Variants in ADGRB3 observed in about 807,000 individuals in gnomAD.
ADGRB3 encodes adhesion G protein-coupled receptor B3.
A neutral mutation model predicts 193.4 loss-of-function variants in ADGRB3; 37 were observed. The observed-to-expected ratio is 0.19, with a 90% CI of 0.15 to 0.25. ADGRB3 has a LOEUF of 0.25. ADGRB3 is among the 10% of genes least tolerant of loss of function. The probability of loss-of-function intolerance (pLI) is 1.00; values close to 1 mark genes in which losing one functional copy is unlikely to be tolerated. For missense variants in ADGRB3, 1,637 were observed against 1,852.9 expected (o/e 0.88, Z 2.14); for synonymous variants, 690 against 644.2 (o/e 1.07, Z -1.08).
intron 17 of ADGRB3, among the ~76,000 whole-genome samples, chr6:69,122,963 T>C (rs1773755245): frequency 6.7e-6 from 1 of 150,280 alleles, no homozygotes; most frequent in Non-Finnish European, 1.5e-5. Context: ...TATGTATGTA[T>C]ATATATGTGT....
chr6:69,011,268 A>G (rs1338197596), intron 11 of ADGRB3, among the ~76,000 whole-genome samples: 2 of 151,878 alleles, frequency 1.3e-5, no homozygotes, highest in African/African-American at 4.8e-5. Context: ...AATGTGGCAC[A>G]TGTACGCTAT....
At chr6:68,807,431 G>A (rs561107158) in intron 3 of ADGRB3, among the ~76,000 whole-genome samples, 1 of 151,370 alleles carries the variant, frequency 6.6e-6, no homozygotes, top group African/African-American at 2.4e-5. Context: ...TAGTAGAGAC[G>A]GGGTTTCACC....
At chr6:69,249,297 C>T (rs979279516) in intron 20 of ADGRB3, among the ~76,000 whole-genome samples, 3 of 152,104 alleles carry the variant, frequency 2.0e-5, no homozygotes, top group Non-Finnish European at 4.4e-5. Flanking sequence ...TTGGAGCACT[C>T]TGGAACTAAT....
intron 17 of ADGRB3, among the ~76,000 whole-genome samples, chr6:69,139,538 T>G (rs1774259474): frequency 6.6e-6 from 1 of 152,230 alleles, no homozygotes; most frequent in African/African-American, 2.4e-5. Context: ...ATGGAATTAT[T>G]TATATACATA....
chr6:68,917,891 A>G (rs563139134), intron 3 of ADGRB3, among the ~76,000 whole-genome samples: 59 of 152,282 alleles, frequency 3.9e-4, no homozygotes, highest in African/African-American at 1.3e-3. Context: ...TGGTATAGCT[A>G]TCTTACAATG....
intron 17 of ADGRB3, among the ~76,000 whole-genome samples, chr6:69,180,705 G>A (rs533254632): frequency 2.0e-4 from 31 of 152,272 alleles, no homozygotes; most frequent in African/African-American, 7.5e-4. Flanking sequence ...TCTGCCTCAG[G>A]CCTGCAATGG....
At chr6:68,798,735 T>G (rs1767259250) in intron 3 of ADGRB3, among the ~76,000 whole-genome samples, 1 of 151,852 alleles carries the variant, frequency 6.6e-6, no homozygotes, top group Non-Finnish European at 1.5e-5. Flanking sequence ...GTCTGGAGAG[T>G]AAAGAAATGT....
At chr6:68,897,549 A>G (rs1327126940) in intron 3 of ADGRB3, among the ~76,000 whole-genome samples, 10 of 25,802 alleles carry the variant, frequency 3.9e-4, no homozygotes, top group South Asian at 1.4e-3. Context: ...GGAAGGAAGG[A>G]AGGAAGGAAA....
chr6:69,277,002 CTT>C (rs1320158134), intron 20 of ADGRB3, among the ~76,000 whole-genome samples: 22 of 138,246 alleles, frequency 1.6e-4, no homozygotes, highest in Admixed American at 1.5e-4. Flanking sequence ...TTTTTTTTTC[CTT>C]TTTTTTTTTT....
At chr6:69,292,619 T>C (rs1016488780) in intron 20 of ADGRB3, among the ~76,000 whole-genome samples, 62 of 152,272 alleles carry the variant, frequency 4.1e-4, no homozygotes, top group African/African-American at 1.4e-3. Flanking sequence ...CTGCTGCCTG[T>C]TGGCTTCTGG....
intron 17 of ADGRB3, among the ~76,000 whole-genome samples, chr6:69,173,020 G>GTTTTT (rs1561942029): frequency 0.046 from 4,934 of 107,162 alleles, 104 homozygotes; most frequent in African/African-American, 0.063. Context: ...GTGGGGTTTT[G>GTTTTT]GTTTTTGTTT....
intron 3 of ADGRB3, among the ~76,000 whole-genome samples, chr6:68,878,424 TA>T (rs1392092931): frequency 0.022 from 3,225 of 148,552 alleles, 108 homozygotes; most frequent in African/African-American, 0.067. Flanking sequence ...GGCAAAATTG[TA>T]AAAAAAAAAA....
At chr6:68,817,305 ATGTATATATAT>A (rs1562042260) in intron 3 of ADGRB3, among the ~76,000 whole-genome samples, 2,561 of 43,364 alleles carry the variant, frequency 0.059, 196 homozygotes, top group South Asian at 0.081. Flanking sequence ...CCTTTTGTCC[ATGTATATATAT>A]ATATATATAT....
intron 3 of ADGRB3, among the ~76,000 whole-genome samples, chr6:68,725,354 G>A (rs907742857): frequency 1.3e-4 from 19 of 151,670 alleles, no homozygotes; most frequent in African/African-American, 4.4e-4. Context: ...AGAGAATCCA[G>A]GCAATAACCC....
intron 3 of ADGRB3, among the ~76,000 whole-genome samples, chr6:68,890,051 C>A (rs1766029763): frequency 6.6e-6 from 1 of 152,084 alleles, no homozygotes; most frequent in Non-Finnish European, 1.5e-5. Context: ...ATGCAAATAA[C>A]AAAATGTCAA....
chr6:68,890,436 C>T (rs1270492379), intron 3 of ADGRB3, among the ~76,000 whole-genome samples: 2 of 152,172 alleles, frequency 1.3e-5, no homozygotes, highest in African/African-American at 2.4e-5. Context: ...CTTTGTTATA[C>T]CACAGTTTAG....
At chr6:69,017,662 GTAGATGGA>G (rs1288688425) in intron 12 of ADGRB3, among the ~76,000 whole-genome samples, 2 of 151,860 alleles carry the variant, frequency 1.3e-5, no homozygotes, top group African/African-American at 2.4e-5. Flanking sequence ...AGATAAGTAG[GTAGATGGA>G]TAGATGGATA....
At chr6:69,308,123 C>T (rs186776962) in intron 20 of ADGRB3, among the ~76,000 whole-genome samples, 22 of 151,464 alleles carry the variant, frequency 1.5e-4, no homozygotes, top group South Asian at 2.1e-4. Flanking sequence ...CCACTAAGAC[C>T]ATTTGGTATA....
intron 29 of ADGRB3, among the ~76,000 whole-genome samples, chr6:69,365,189 G>A (rs1328770460): frequency 2.6e-5 from 4 of 152,038 alleles, no homozygotes; most frequent in Admixed American, 6.6e-5. Context: ...GTTAATTTAG[G>A]TTCTTGAGTC....
Sources: allele counts gnomAD v4.1 joint callset (sites outside exome capture counted in the v4.1 genomes callset), GRCh38; gene constraint gnomAD v4.1.1; transcripts MANE v1.5; gene names NCBI Gene and HGNC (gene_info 2026-07-23, HGNC 2026-07-21).